The following DPYD variants were observed in gnomAD, a reference collection of about 807,000 sequenced individuals.
DPYD encodes dihydropyrimidine dehydrogenase [NADP(+)].
In DPYD, 109 loss-of-function variants were observed where a neutral mutation model predicts 116.2. The observed-to-expected ratio is 0.94, with a 90% confidence interval of 0.80 to 1.10. The LOEUF is 1.10. Ranked by LOEUF, DPYD falls within the 50% of genes least tolerant of loss-of-function variation. The probability of loss-of-function intolerance (pLI) is 0.00; values close to 1 mark genes in which losing one functional copy is unlikely to be tolerated. For missense variants in DPYD, 1,302 were observed against 1,254.5 expected (o/e 1.04, Z -0.57); for synonymous variants, 440 against 432.0 (o/e 1.02, Z -0.23).
At chr1:97,705,308 G>A (rs1018846647) in intron 5 of DPYD, among the ~76,000 whole-genome samples, 2 of 151,928 alleles carry the variant, frequency 1.3e-5, no homozygotes, top group Non-Finnish European at 2.9e-5. Flanking sequence ...ACAGTCCCCG[G>A]TGTGTGGTGT....
At chr1:97,891,442 T>A (rs1672771539) in intron 1 of DPYD, among the ~76,000 whole-genome samples, 1 of 151,736 alleles carries the variant, frequency 6.6e-6, no homozygotes, top group Non-Finnish European at 1.5e-5. Flanking sequence ...TTAGAAAAAA[T>A]TTAATTGTAC....
chr1:97,854,456 G>A (rs2101574875), intron 2 of DPYD, among the ~76,000 whole-genome samples: 1 of 152,276 alleles, frequency 6.6e-6, no homozygotes, highest in South Asian at 2.1e-4. Flanking sequence ...ACTACACTGG[G>A]AAGAAGCTCA....
At chr1:97,849,500 AT>A (rs879721746) in intron 2 of DPYD, among the ~76,000 whole-genome samples, 86 of 143,464 alleles carry the variant, frequency 6.0e-4, no homozygotes, top group Non-Finnish European at 6.8e-4. Context: ...TTCTACATTC[AT>A]TTTTTTTTTT....
intron 2 of DPYD, among the ~76,000 whole-genome samples, chr1:97,871,900 T>C (rs997204138): frequency 4.0e-5 from 6 of 151,858 alleles, no homozygotes; most frequent in African/African-American, 1.4e-4. Flanking sequence ...TAAGCAATAA[T>C]ACTTACATAA....
chr1:97,859,530 C>T (rs1671014477), intron 2 of DPYD, among the ~76,000 whole-genome samples: 3 of 152,098 alleles, frequency 2.0e-5, no homozygotes, highest in Non-Finnish European at 2.9e-5. Context: ...TTTTTACAAG[C>T]GGTAGCAGTT....
At position 97,405,391 on chromosome 1, in the gene DPYD, T is replaced by C. The variant is rs79135786; in HGVS notation, c.1906-22930A>G. On this transcript the variant is annotated intron_variant, in intron 14 of 22. Coordinates refer to ENST00000370192, the MANE Select transcript of DPYD (RefSeq NM_000110.4). ...GGAGGTTTATTCTGAATACATTCTT[T>C]CAATGTTTGTTTGTCTGAGAAAGTG... 8.4e-3 allele frequency among the ~76,000 whole-genome samples: 1,282 copies of C among 152,292 alleles called. 12 individuals carry two copies. The highest frequency in any genetic ancestry group is 0.029 in the African/African-American group (1,194 of 41,570).
chr1:97,789,421 T>A (rs568193942), intron 3 of DPYD, among the ~76,000 whole-genome samples: 2 of 152,214 alleles, frequency 1.3e-5, no homozygotes, highest in South Asian at 2.1e-4. Context: ...TTTCTTTCTT[T>A]TGCAAAATTG....
chr1:97,345,581 C>T (rs771737773), intron 16 of DPYD, among the ~76,000 whole-genome samples: 8 of 151,798 alleles, frequency 5.3e-5, no homozygotes, highest in Admixed American at 1.3e-4. Context: ...CGGTGACTGT[C>T]GGGATGCGAG....
At chr1:97,404,654 A>G (rs767124527) in intron 14 of DPYD, among the ~76,000 whole-genome samples, 74 of 152,116 alleles carry the variant, frequency 4.9e-4, no homozygotes, top group Admixed American at 7.9e-4. Flanking sequence ...TTCTTCATCC[A>G]TTTACTTATA....
intron 13 of DPYD, among the ~76,000 whole-genome samples, chr1:97,501,267 G>C (rs906623647): frequency 1.3e-5 from 2 of 152,000 alleles, no homozygotes; most frequent in Non-Finnish European, 2.9e-5. Context: ...AATGGTTATA[G>C]AGCCAACTTC....
At chr1:97,559,945 T>TATAACTCA (rs1286272546) in intron 11 of DPYD, among the ~76,000 whole-genome samples, 3 of 152,180 alleles carry the variant, frequency 2.0e-5, no homozygotes, top group Non-Finnish European at 4.4e-5. Context: ...ACAAAATAGG[T>TATAACTCA]ATAACTCAAT....
At chr1:97,571,798 T>C (rs1652919993) in intron 11 of DPYD, among the ~76,000 whole-genome samples, 1 of 152,004 alleles carries the variant, frequency 6.6e-6, no homozygotes. Flanking sequence ...TTTTCTGACT[T>C]TGAAACTATT....
At chr1:97,372,327 A>G (rs1205706325) in intron 16 of DPYD, among the ~76,000 whole-genome samples, 1 of 152,146 alleles carries the variant, frequency 6.6e-6, no homozygotes, top group Non-Finnish European at 1.5e-5. Flanking sequence ...CATTCCAGGT[A>G]TCCTTTAAGG....
At position 97,750,432 on chromosome 1, in the gene DPYD, G is replaced by A. The variant is rs1230941632; in HGVS notation, c.234-9953C>T. Among the ~76,000 whole-genome samples, 6 of 151,864 alleles carry A rather than the reference G, an allele frequency of 4.0e-5. No homozygotes were observed. In the East Asian group the frequency reaches 1.2e-3, roughly 29 times the overall value. On this transcript the variant is annotated intron_variant, in intron 3 of 22. Transcript: ENST00000370192. The stretch of plus-strand genomic sequence containing the variant: ...AGACAAATATGTAAACCCATCTTAG[G>A]GCATGTGGACTAAGATTTGGGATAG...
At chr1:97,715,423 T>A (rs1439902850) in intron 5 of DPYD, among the ~76,000 whole-genome samples, 1 of 152,148 alleles carries the variant, frequency 6.6e-6, no homozygotes, top group Non-Finnish European at 1.5e-5. Context: ...TTGTTGGCTT[T>A]ATTTCCTGAG....
chr1:97,212,880 G>A (rs1167357566), intron 19 of DPYD, among the ~76,000 whole-genome samples: 1 of 152,020 alleles, frequency 6.6e-6, no homozygotes, highest in East Asian at 1.9e-4. Context: ...TATAGAATGA[G>A]GACAGTAATA....
intron 16 of DPYD, among the ~76,000 whole-genome samples, chr1:97,372,033 A>T (rs760454965): frequency 1.3e-5 from 2 of 152,210 alleles, no homozygotes; most frequent in Non-Finnish European, 2.9e-5. Flanking sequence ...TAAGACACTT[A>T]ATGGCTGAGT....
chr1:97,883,215 G>T, intron 2 of DPYD, 49 bp downstream of exon 2: 2 of 1,258,182 alleles, frequency 1.6e-6, no homozygotes, highest in Non-Finnish European at 2.3e-6. Flanking sequence ...CTTACAATGT[G>T]TGGAGTGAGG....
At chr1:97,587,834 A>AT (rs1654244064) in intron 10 of DPYD, among the ~76,000 whole-genome samples, 5 of 151,040 alleles carry the variant, frequency 3.3e-5, no homozygotes, top group Admixed American at 3.3e-4. Context: ...CAAAAAAAAA[A>AT]AAAAGAAAAA....
Sources: gnomAD v4.1 joint callset for allele counts (sites outside exome capture counted in the v4.1 genomes callset) on GRCh38, gnomAD v4.1.1 for gene constraint, MANE v1.5 for transcripts, NCBI Gene and HGNC (gene_info 2026-07-23, HGNC 2026-07-21) for gene names.